The following GPC6 variants were observed in gnomAD, a reference collection of about 807,000 sequenced individuals.
The protein encoded by GPC6 is glypican 6.
GPC6 carries 14 observed loss-of-function variants against 55.2 expected under a neutral mutation model. That is an observed-to-expected ratio of 0.25 (90% CI 0.17 to 0.40). The LOEUF is 0.40. Ranked by LOEUF, GPC6 falls within the 10% of genes least tolerant of loss-of-function variation. The probability of loss-of-function intolerance (pLI) is 1.00; values close to 1 mark genes in which losing one functional copy is unlikely to be tolerated. For missense variants in GPC6, 641 were observed against 708.5 expected (o/e 0.90, Z 1.08); for synonymous variants, 278 against 259.6 (o/e 1.07, Z -0.68).
the GPC6 span, among the ~76,000 whole-genome samples, chr13:93,217,526 G>A: frequency 6.6e-6 from 1 of 152,088 alleles, no homozygotes; most frequent in Non-Finnish European, 1.5e-5. Flanking sequence ...TCAAATTTGT[G>A]TAAGCCTATC....
At chr13:93,606,244 T>C (rs1878231685) in intron 2 of GPC6, among the ~76,000 whole-genome samples, 1 of 152,208 alleles carries the variant, frequency 6.6e-6, no homozygotes, top group African/African-American at 2.4e-5. Flanking sequence ...TTGAATCTAG[T>C]TCCTATCACA....
chr13:93,349,831 G>C (rs1265321639), intron 1 of GPC6, among the ~76,000 whole-genome samples: 1 of 151,986 alleles, frequency 6.6e-6, no homozygotes, highest in Non-Finnish European at 1.5e-5. Context: ...AAGACAACTT[G>C]AATTCAAACT....
At chr13:93,890,027 G>A (rs990453860) in intron 3 of GPC6, among the ~76,000 whole-genome samples, 1 of 152,018 alleles carries the variant, frequency 6.6e-6, no homozygotes, top group Non-Finnish European at 1.5e-5. Context: ...AGAAACCAAA[G>A]CATGCAGAAA....
chr13:93,526,533 A>G (rs1881653877), intron 1 of GPC6, among the ~76,000 whole-genome samples: 1 of 152,098 alleles, frequency 6.6e-6, no homozygotes. Flanking sequence ...TTGCCTGCAC[A>G]TATCCTTATA....
At chr13:93,940,240 C>CT (rs1413664963) in intron 3 of GPC6, among the ~76,000 whole-genome samples, 3 of 152,012 alleles carry the variant, frequency 2.0e-5, no homozygotes, top group African/African-American at 7.2e-5. Flanking sequence ...GAAGCCATTA[C>CT]TTTTTTATAA....
At chr13:94,049,313 A>G (rs1016851722) in intron 4 of GPC6, among the ~76,000 whole-genome samples, 1 of 149,624 alleles carries the variant, frequency 6.7e-6, no homozygotes, top group African/African-American at 2.5e-5. Flanking sequence ...CCAACCCCCC[A>G]CTGATCCTAG....
intron 3 of GPC6, among the ~76,000 whole-genome samples, chr13:93,989,002 C>T (rs1881167553): frequency 6.6e-6 from 1 of 152,124 alleles, no homozygotes; most frequent in Non-Finnish European, 1.5e-5. Context: ...TTAATCCTCA[C>T]ATAAACCCTG....
intron 1 of GPC6, among the ~76,000 whole-genome samples, chr13:93,269,891 CAAA>C (rs529558741): frequency 1.9e-5 from 1 of 52,586 alleles, no homozygotes; most frequent in African/African-American, 7.7e-5. Context: ...GACTCCATCT[CAAA>C]AAAAAAAAAA....
At chr13:93,301,881 C>T (rs1236062898) in intron 1 of GPC6, among the ~76,000 whole-genome samples, 1 of 152,164 alleles carries the variant, frequency 6.6e-6, no homozygotes, top group East Asian at 1.9e-4. Context: ...CTTGGAGCAA[C>T]ACGTGAAGAG....
At chr13:94,149,681 C>T (rs1045629048) in intron 4 of GPC6, among the ~76,000 whole-genome samples, 2 of 151,928 alleles carry the variant, frequency 1.3e-5, no homozygotes, top group Non-Finnish European at 2.9e-5. Context: ...ACTCAGAATC[C>T]TAGAGAAAAA....
intron 4 of GPC6, among the ~76,000 whole-genome samples, chr13:94,200,183 C>G (rs1179931106): frequency 2.0e-5 from 3 of 151,590 alleles, no homozygotes; most frequent in Non-Finnish European, 4.4e-5. Flanking sequence ...CCACATGTTT[C>G]CAGGATCCTT....
chr13:93,307,837 T>C (rs1371414143), intron 1 of GPC6, among the ~76,000 whole-genome samples: 1 of 152,164 alleles, frequency 6.6e-6, no homozygotes, highest in Non-Finnish European at 1.5e-5. Context: ...GAATGTAAAG[T>C]GTTCTCACCA....
chr13:93,641,959 A>G (rs1398958209), intron 2 of GPC6, among the ~76,000 whole-genome samples: 1 of 152,050 alleles, frequency 6.6e-6, no homozygotes, highest in African/African-American at 2.4e-5. Flanking sequence ...TATATTATAT[A>G]TAATTATACA....
chr13:93,969,220 T>G (rs1880180882), intron 3 of GPC6, among the ~76,000 whole-genome samples: 1 of 152,198 alleles, frequency 6.6e-6, no homozygotes, highest in Admixed American at 6.5e-5. Flanking sequence ...GGTTTGATAC[T>G]GATTGTACTG....
chr13:94,353,062 G>T (rs763270602), intron 6 of GPC6, among the ~76,000 whole-genome samples: 2 of 152,118 alleles, frequency 1.3e-5, no homozygotes, highest in African/African-American at 4.8e-5. Flanking sequence ...TGACAGTAAC[G>T]TGTGTCAGGG....
At position 94,370,466 on chromosome 13, in the gene GPC6, T is replaced by A. The variant is rs77141634; in HGVS notation, c.1153-11948T>A. Among the ~76,000 whole-genome samples, 291 of 152,314 alleles carry A rather than the reference T, an allele frequency of 1.9e-3. 5 individuals carry two copies. In the East Asian group the frequency reaches 0.037, roughly 19 times the overall value. ...ACTGTGTACAAGTCATATTTTGCAT[T>A]CCCAGAGTCTACTATAAAACCTGTC... On this transcript the variant is annotated intron_variant, in intron 6 of 8. Transcript: ENST00000377047.
chr13:94,190,250 G>A (rs1225001942), intron 4 of GPC6, among the ~76,000 whole-genome samples: 1 of 151,972 alleles, frequency 6.6e-6, no homozygotes, highest in African/African-American at 2.4e-5. Context: ...AACCCGGGAG[G>A]CGGAGGTTGC....
At chr13:94,008,048 T>C (rs1333841685) in intron 3 of GPC6, among the ~76,000 whole-genome samples, 2 of 152,174 alleles carry the variant, frequency 1.3e-5, no homozygotes, top group South Asian at 4.1e-4. Context: ...TTTCTAGTTC[T>C]GGTAAATTAT....
intron 2 of GPC6, among the ~76,000 whole-genome samples, chr13:93,813,245 C>T (rs765598412): frequency 1.3e-5 from 2 of 152,020 alleles, no homozygotes; most frequent in South Asian, 2.1e-4. Context: ...GTGAAACCCC[C>T]GTCTCTACTA....
Sources: gnomAD v4.1 joint callset for allele counts (sites outside exome capture counted in the v4.1 genomes callset) on GRCh38, gnomAD v4.1.1 for gene constraint, MANE v1.5 for transcripts, NCBI Gene and HGNC (gene_info 2026-07-23, HGNC 2026-07-21) for gene names.